PRR16: variants seen among roughly 807,000 people sequenced by gnomAD.
PRR16 encodes proline rich 16.
Under a neutral mutation model 18.2 loss-of-function variants are expected in PRR16, and 6 were observed. The observed-to-expected ratio is 0.33, with a 90% CI of 0.18 to 0.65. The LOEUF is 0.65. Ranked by LOEUF, PRR16 falls within the 30% of genes least tolerant of loss-of-function variation. The pLI is 0.74. For synonymous variants in PRR16, 151 were observed against 147.8 expected (o/e 1.02, Z -0.16); for missense variants, 412 against 376.6 (o/e 1.09, Z -0.78).
intron 1 of PRR16, among the ~76,000 whole-genome samples, chr5:120,594,292 A>T (rs905110054): frequency 3.3e-5 from 5 of 152,120 alleles, no homozygotes; most frequent in African/African-American, 1.2e-4. Flanking sequence ...CAAAGTCCGT[A>T]GCATTCCTAT....
chr5:120,650,566 A>G (rs1219024541), intron 1 of PRR16, among the ~76,000 whole-genome samples: 10 of 146,716 alleles, frequency 6.8e-5, no homozygotes. Context: ...CCTATGAGTG[A>G]GAACATGTGT....
chr5:120,637,620 G>A (rs1755281335), intron 1 of PRR16, among the ~76,000 whole-genome samples: 1 of 132,674 alleles, frequency 7.5e-6, no homozygotes, highest in South Asian at 2.7e-4. Flanking sequence ...GCATAAGAAT[G>A]ATACATTGGA....
chr5:120,475,798 G>T (rs1444776295), intron 1 of PRR16, among the ~76,000 whole-genome samples: 1 of 151,998 alleles, frequency 6.6e-6, no homozygotes, highest in African/African-American at 2.4e-5. Context: ...CAGGGTACTG[G>T]GCTATTCCAT....
In PRR16 at chr5:120,614,449, A is replaced by G. The variant is rs143711172; in HGVS notation, c.160-71505A>G. ...TCAAATCATTTTCTGTTATTTTCCA[A>G]TGGCCAATGCCAAGCCTAAATTTCA... On this transcript the variant is annotated intron_variant, in intron 1 of 1. Transcript: ENST00000407149. Among the ~76,000 whole-genome samples, 421 of 152,354 alleles carry G rather than the reference A, an allele frequency of 2.8e-3. 2 individuals carry two copies. Among genetic ancestry groups the G allele is most frequent in the African/African-American group, 9.4e-3 (392 of 41,586 alleles).
intron 1 of PRR16, among the ~76,000 whole-genome samples, chr5:120,532,051 A>T (rs17146733): frequency 0.15 from 23,393 of 152,146 alleles, 1,910 homozygotes; most frequent in African/African-American, 0.17. Flanking sequence ...AAAAGTTAGC[A>T]TGAGTTGCAT....
At chr5:120,675,507 A>C (rs572258350) in intron 1 of PRR16, among the ~76,000 whole-genome samples, 9 of 152,128 alleles carry the variant, frequency 5.9e-5, no homozygotes, top group South Asian at 2.1e-4. Flanking sequence ...CAAATTTGAA[A>C]TCCTTCTGGG....
At chr5:120,471,803 CA>C (rs1749276643) in intron 1 of PRR16, among the ~76,000 whole-genome samples, 1 of 152,034 alleles carries the variant, frequency 6.6e-6, no homozygotes, top group Non-Finnish European at 1.5e-5. Context: ...CATCTTTAAA[CA>C]AGAACCAGAA....
chr5:120,588,695 C>A (rs1303301471), intron 1 of PRR16, among the ~76,000 whole-genome samples: 1 of 152,116 alleles, frequency 6.6e-6, no homozygotes, highest in African/African-American at 2.4e-5. Context: ...TTCACAATAC[C>A]TCCAAGGTAT....
the PRR16 span, among the ~76,000 whole-genome samples, chr5:120,794,072 A>C: frequency 1.5e-3 from 221 of 152,246 alleles, 3 homozygotes; most frequent in African/African-American, 5.0e-3. Context: ...TTAACTCCTG[A>C]AAAGACTAAG....
At chr5:120,791,649 T>A in the PRR16 span, among the ~76,000 whole-genome samples, 1 of 151,346 alleles carries the variant, frequency 6.6e-6, no homozygotes, top group South Asian at 2.1e-4. Flanking sequence ...TATCTATCTA[T>A]CTATCTATCA....
At chr5:120,645,927 C>A (rs1006306589) in intron 1 of PRR16, among the ~76,000 whole-genome samples, 16 of 151,502 alleles carry the variant, frequency 1.1e-4, no homozygotes, top group African/African-American at 3.6e-4. Context: ...AGGAGTCTTC[C>A]CTTCTATCTC....
intron 1 of PRR16, among the ~76,000 whole-genome samples, chr5:120,676,203 C>T (rs1756790095): frequency 6.6e-6 from 1 of 152,074 alleles, no homozygotes; most frequent in Admixed American, 6.5e-5. Context: ...TGTAGAAGAA[C>T]CATATCCCAG....
the PRR16 span, among the ~76,000 whole-genome samples, chr5:120,730,552 G>A: frequency 2.0e-5 from 3 of 152,124 alleles, no homozygotes; most frequent in Non-Finnish European, 4.4e-5. Flanking sequence ...GTGGACCAAG[G>A]ATGGATTCTT....
the PRR16 span, among the ~76,000 whole-genome samples, chr5:120,779,230 A>ACAT: frequency 1.3e-5 from 2 of 152,236 alleles, no homozygotes; most frequent in Admixed American, 6.5e-5. Context: ...TGTAAGCAGC[A>ACAT]CATCAGTGAA....
intron 1 of PRR16, among the ~76,000 whole-genome samples, chr5:120,539,258 A>G (rs2112679767): frequency 6.6e-6 from 1 of 151,460 alleles, no homozygotes; most frequent in South Asian, 2.1e-4. Context: ...TTAGAAAATA[A>G]TATTTTTTCT....
rs140103537 is a variant in PRR16, at chr5:120,623,616, C to A, written c.160-62338C>A. On this transcript the variant is annotated intron_variant, in intron 1 of 1. Transcript: ENST00000407149. ...TTACTCTATTTATTATTATCTTTAC[C>A]CTTACCCATGTTATCATATATTATT... 5.3e-3 allele frequency among the ~76,000 whole-genome samples: 803 copies of A among 152,010 alleles called. 10 individuals are homozygous for A. The highest frequency in any genetic ancestry group is 0.018 in the African/African-American group (735 of 41,474).
chr5:120,566,130 T>C (rs1752729671), intron 1 of PRR16, among the ~76,000 whole-genome samples: 1 of 152,216 alleles, frequency 6.6e-6, no homozygotes. Context: ...AGATTAATGC[T>C]GTTATTTCCA....
chr5:120,507,345 A>C (rs773630486), intron 1 of PRR16, among the ~76,000 whole-genome samples: 114 of 152,276 alleles, frequency 7.5e-4, no homozygotes, highest in South Asian at 1.7e-3. Context: ...GAATATGTAC[A>C]TGAAGTATTT....
At chr5:120,708,138 A>T in the PRR16 span, among the ~76,000 whole-genome samples, 1 of 152,164 alleles carries the variant, frequency 6.6e-6, no homozygotes, top group Non-Finnish European at 1.5e-5. Flanking sequence ...TGACAGTGAA[A>T]ACGCCATTCT....
Sources: gnomAD v4.1 joint callset for allele counts (sites outside exome capture counted in the v4.1 genomes callset) on GRCh38, gnomAD v4.1.1 for gene constraint, MANE v1.5 for transcripts, NCBI Gene and HGNC (gene_info 2026-07-23, HGNC 2026-07-21) for gene names.